ADD2: variants seen among roughly 807,000 people sequenced by gnomAD.
ADD2 encodes beta-adducin.
Under a neutral mutation model 83.0 loss-of-function variants are expected in ADD2, and 23 were observed. The observed-to-expected ratio is 0.28, with a 90% CI of 0.20 to 0.39. ADD2 has a LOEUF of 0.39. Ranked by LOEUF, ADD2 falls within the 10% of genes least tolerant of loss-of-function variation. ADD2 has a pLI of 1.00. For synonymous variants in ADD2, 375 were observed against 375.4 expected (o/e 1.00, Z 0.01); for missense variants, 758 against 944.9 (o/e 0.80, Z 2.59).
rs1246639716 is a variant in ADD2 at position 70,706,604 on chromosome 2, G to A, written c.-34-162C>T. 3.3e-5 allele frequency among the ~76,000 whole-genome samples: 5 copies of A among 152,304 alleles called. No individual in the cohort carries two copies. Among genetic ancestry groups the A allele is most frequent in the East Asian group, 3.9e-4 (2 of 5,186 alleles). On this transcript the variant is annotated intron_variant, in intron 2 of 15. Coordinates refer to ENST00000264436, the MANE Select transcript of ADD2 (RefSeq NM_001617.4). The surrounding 1 kb of genome is among the most constrained non-coding windows in gnomAD (Gnocchi z 5.0). ...GGGAGGAGGGCAGGACGCCAGCAGC[G>A]GCCCCATATACCCATCTATAGGGGC...
At chr2:70,735,165 TG>T (rs782171495) in intron 1 of ADD2, among the ~76,000 whole-genome samples, 4 of 152,204 alleles carry the variant, frequency 2.6e-5, no homozygotes, top group East Asian at 3.8e-4. Context: ...TGATGGTGAT[TG>T]TTTTTTTGTC....
At chr2:70,692,890 A>G (rs1252516364) in intron 6 of ADD2, among the ~76,000 whole-genome samples, 9 of 152,134 alleles carry the variant, frequency 5.9e-5, no homozygotes, top group African/African-American at 2.2e-4. Flanking sequence ...ACAAGTTCTC[A>G]AGTGATCCAC....
chr2:70,671,760 G>A (rs935865183), intron 15 of ADD2, among the ~76,000 whole-genome samples: 31 of 152,188 alleles, frequency 2.0e-4, no homozygotes, highest in Admixed American at 1.8e-3. Context: ...GCCTGCACAG[G>A]AGGCAATAGT....
rs1670304135 is a variant in ADD2 at position 70,678,740 on chromosome 2, G to A, written c.1347C>T (p.Val449=). ...GTCGGGGGCTGCCCATGCTCCTCTG[G>A]ACCTCATCGGCCACATTGACCCGCA... ...TYLRVNVADE[V]QRSMGSPRPK... Residue 449 remains valine (V), a synonymous_variant, in exon 11 of 16, where the codon GTC becomes GTT. Transcript: ENST00000264436. 6.3e-7 allele frequency: 1 copy of A among 1,598,264 alleles called. No individual in the cohort carries two copies. Among genetic ancestry groups the A allele is most frequent in the Non-Finnish European group, 8.5e-7 (1 of 1,171,422 alleles).
chr2:70,721,877 G>A (rs1039875337), intron 1 of ADD2, among the ~76,000 whole-genome samples: 2 of 152,206 alleles, frequency 1.3e-5, no homozygotes, highest in South Asian at 4.1e-4. Context: ...ATGGTGGAGT[G>A]ATTGGCGACT....
chr2:70,675,776 C>A (rs1250318706), intron 13 of ADD2: 12 of 985,196 alleles, frequency 1.2e-5, no homozygotes, highest in Non-Finnish European at 1.2e-5. Context: ...TGGAGTCAAC[C>A]GAGAATCCAA....
intron 15 of ADD2, among the ~76,000 whole-genome samples, chr2:70,665,172 G>A (rs147035299): frequency 5.5e-4 from 84 of 152,266 alleles, no homozygotes; most frequent in African/African-American, 2.0e-3. Flanking sequence ...GAAGCCTGGG[G>A]TCTTAACAGG....
intron 1 of ADD2, among the ~76,000 whole-genome samples, chr2:70,763,965 G>A (rs1675250635): frequency 6.6e-6 from 1 of 150,810 alleles, no homozygotes; most frequent in Admixed American, 6.6e-5. Flanking sequence ...TCGGCTCACT[G>A]CAACCTCTGC....
chr2:70,760,722 C>G (rs1263503829), intron 1 of ADD2: 2 of 152,114 alleles, frequency 1.3e-5, no homozygotes, highest in Non-Finnish European at 2.9e-5. Flanking sequence ...GTCACACGGG[C>G]ATTCACTTTA....
At chr2:70,682,832 G>A (rs1488434082) in intron 10 of ADD2, among the ~76,000 whole-genome samples, 2 of 152,220 alleles carry the variant, frequency 1.3e-5, no homozygotes, top group Admixed American at 6.5e-5. Context: ...TGACTGATTG[G>A]TTCATTTATT....
chr2:70,677,649 G>C, intron 12 of ADD2, 109 bp downstream of exon 12: 1 of 1,413,312 alleles, frequency 7.1e-7, no homozygotes, highest in Non-Finnish European at 9.8e-7. Flanking sequence ...TGTGAGGCAT[G>C]TGAGATGTCA....
At chr2:70,743,106 C>T (rs1674005341) in intron 1 of ADD2, among the ~76,000 whole-genome samples, 1 of 152,178 alleles carries the variant, frequency 6.6e-6, no homozygotes, top group Non-Finnish European at 1.5e-5. Flanking sequence ...AAAATTATCA[C>T]AGCAAAGTCA....
Position 70,676,652 on chromosome 2 carries a change from C to T in ADD2, c.1593+144G>A. 6 of 1,485,656 alleles carry T rather than the reference C, an allele frequency of 4.0e-6. 1 individual carries two copies. The South Asian group carries it at 8.1e-5, about 20-fold the overall frequency. The allele number at this position is 1,485,656 out of a possible 1,614,324, so 92.0% of individuals were successfully genotyped here. On this transcript the variant is annotated intron_variant, in intron 13 of 15. Coordinates refer to ENST00000264436, the MANE Select transcript of ADD2 (RefSeq NM_001617.4). The surrounding 1 kb of genome is among the most constrained non-coding windows in gnomAD (Gnocchi z 4.8). ...ACAGCACCCCTGTGAGGTTGGCCTC[C>T]ATTTTGCAGCAAGAGCACCGGCACC...
intron 1 of ADD2, among the ~76,000 whole-genome samples, chr2:70,757,333 C>T (rs1418953584): frequency 6.6e-6 from 1 of 152,006 alleles, no homozygotes; most frequent in Admixed American, 6.6e-5. Context: ...TTATTAGAAG[C>T]CCTTCAGTCC....
rs548122102 is a variant in ADD2, at chr2:70,657,212, C to T, written c.*6213G>A. ...CATGGAACCCCTATTTGAAACCTCACAATACTAGGAAAAGCTAAACACAGA... is the reference window on the plus strand; with the variant it reads ...CATGGAACCCCTATTTGAAACCTCATAATACTAGGAAAAGCTAAACACAGA... On this transcript the variant is annotated 3_prime_UTR_variant, in exon 16 of 16. Transcript: ENST00000264436. 4.6e-5 allele frequency: 7 copies of T among 152,142 alleles called. No homozygotes were observed. Among genetic ancestry groups the T allele is most frequent in the African/African-American group, 1.7e-4 (7 of 41,504 alleles). The allele number at this position is 152,142 out of a possible 1,614,324, so 9.4% of individuals were successfully genotyped here.
At chr2:70,745,928 G>A (rs900768997) in intron 1 of ADD2, among the ~76,000 whole-genome samples, 4 of 152,138 alleles carry the variant, frequency 2.6e-5, no homozygotes, top group African/African-American at 4.8e-5. Flanking sequence ...TCAAAATAAG[G>A]ACTGTTTTTA....
intron 10 of ADD2, 55 bp from the exon 11 acceptor site, chr2:70,679,016 G>A: frequency 6.6e-7 from 1 of 1,517,256 alleles, no homozygotes; most frequent in Non-Finnish European, 8.9e-7. Context: ...GCCTGTACCT[G>A]CACATACATG....
chr2:70,685,302 T>C (rs1325980283), intron 9 of ADD2, among the ~76,000 whole-genome samples: 1 of 152,162 alleles, frequency 6.6e-6, no homozygotes, highest in Non-Finnish European at 1.5e-5. Flanking sequence ...ATTCATCATT[T>C]AACAAATGCC....
intron 1 of ADD2, among the ~76,000 whole-genome samples, chr2:70,758,292 C>T (rs1553384221): frequency 6.6e-6 from 1 of 152,160 alleles, no homozygotes; most frequent in East Asian, 1.9e-4. Context: ...TATGTCATTT[C>T]TAGCTTTGTG....
Sources: gnomAD v4.1 joint callset for allele counts (sites outside exome capture counted in the v4.1 genomes callset) on GRCh38, gnomAD v4.1.1 for gene constraint, Gnocchi (gnomAD v3.1) non-coding constraint, MANE v1.5 for transcripts, NCBI Gene and HGNC (gene_info 2026-07-23, HGNC 2026-07-21) for gene names.